Variants in MAPK10 observed in about 807,000 individuals in gnomAD.
The protein encoded by MAPK10 is mitogen-activated protein kinase 10.
Under a neutral mutation model 59.3 loss-of-function variants are expected in MAPK10, and 25 were observed. That is an observed-to-expected ratio of 0.42 (90% CI 0.31 to 0.59). MAPK10 has a LOEUF of 0.59. MAPK10 is among the 20% of genes least tolerant of loss of function. The probability of loss-of-function intolerance (pLI) is 0.15; values close to 1 mark genes in which losing one functional copy is unlikely to be tolerated. For missense variants in MAPK10, 351 were observed against 568.9 expected, an observed-to-expected ratio of 0.62 and a Z score of 3.90; for synonymous variants, 190 against 200.5, an observed-to-expected ratio of 0.95 and a Z score of 0.44.
chr4:86,531,363 G>T (rs1757839979), intron 1 of MAPK10, among the ~76,000 whole-genome samples: 1 of 152,216 alleles, frequency 6.6e-6, no homozygotes, highest in Non-Finnish European at 1.5e-5. Flanking sequence ...AGATGAATTA[G>T]TAAGGAAAAA....
At chr4:86,199,093 T>C (rs891689629) in intron 2 of MAPK10, among the ~76,000 whole-genome samples, 16 of 152,032 alleles carry the variant, frequency 1.1e-4, no homozygotes, top group Admixed American at 9.2e-4. Context: ...GGTGTGGCAA[T>C]TGGAACAACT....
chr4:86,350,218 AT>A (rs879348322), intron 2 of MAPK10, among the ~76,000 whole-genome samples: 2,660 of 133,892 alleles, frequency 0.02, 60 homozygotes, highest in African/African-American at 0.065. Context: ...TGTCCAGATA[AT>A]TTTTTTTTTT....
intron 2 of MAPK10, among the ~76,000 whole-genome samples, chr4:86,345,193 C>G (rs1013326665): frequency 6.6e-6 from 1 of 152,176 alleles, no homozygotes; most frequent in Non-Finnish European, 1.5e-5. Flanking sequence ...CCCTCTTCCC[C>G]TCGTAGCTGC....
chr4:86,363,577 T>A (rs1458545655), upstream of MAPK10, among the ~76,000 whole-genome samples: 1 of 152,216 alleles, frequency 6.6e-6, no homozygotes, highest in African/African-American at 2.4e-5. Flanking sequence ...TTTTGATATA[T>A]GTATACAATG....
chr4:86,207,145 G>A (rs2084286767), intron 2 of MAPK10, among the ~76,000 whole-genome samples: 2 of 151,108 alleles, frequency 1.3e-5, no homozygotes, highest in Admixed American at 6.6e-5. Context: ...GAATGGTAAT[G>A]CCTAGGTTTT....
intron 3 of MAPK10, among the ~76,000 whole-genome samples, chr4:86,180,774 C>T (rs894168680): frequency 5.9e-5 from 9 of 151,904 alleles, no homozygotes; most frequent in Admixed American, 2.6e-4. Flanking sequence ...CACATGTTCT[C>T]ATTCATATAT....
intron 4 of MAPK10, among the ~76,000 whole-genome samples, chr4:86,134,923 C>T (rs986249635): frequency 4.6e-5 from 7 of 152,132 alleles, no homozygotes; most frequent in Non-Finnish European, 8.8e-5. Context: ...AAAGGGGTGA[C>T]GGATGGCACC....
Position 86,324,184 on chromosome 4 carries a change from A to C in MAPK10, c.-7+30346T>G, listed in dbSNP as rs547212757. Among the ~76,000 whole-genome samples, 14 of 152,284 alleles carry C rather than the reference A, an allele frequency of 9.2e-5. 1 individual carries two copies. Among genetic ancestry groups the C allele is most frequent in the Admixed American group, 6.5e-4 (10 of 15,276 alleles). ...CATTTTGGGAGGCAATGGCAGGCAG[A>C]TCACCTGCAGTCAGGAGTTCGAGAC... is the stretch of plus-strand genomic sequence containing the variant. On this transcript the variant is annotated intron_variant, in intron 2 of 13. Coordinates refer to ENST00000641462, the MANE Select transcript of MAPK10 (RefSeq NM_138982.4).
intron 1 of MAPK10, among the ~76,000 whole-genome samples, chr4:86,590,609 C>T (rs1053102449): frequency 2.0e-5 from 3 of 151,946 alleles, no homozygotes; most frequent in African/African-American, 7.3e-5. Context: ...CATAGCAAGA[C>T]CCCTCTCTAC....
chr4:86,235,197 A>T (rs1317975515), intron 2 of MAPK10, among the ~76,000 whole-genome samples: 1 of 152,222 alleles, frequency 6.6e-6, no homozygotes, highest in Non-Finnish European at 1.5e-5. Context: ...AAATGAAGGA[A>T]TGGAGGCCCC....
intron 2 of MAPK10, among the ~76,000 whole-genome samples, chr4:86,198,441 T>C (rs777537891): frequency 6.6e-6 from 1 of 152,102 alleles, no homozygotes; most frequent in Non-Finnish European, 1.5e-5. Flanking sequence ...CTCTGAGTAA[T>C]AAAGACCCTC....
At chr4:86,058,852 C>G (rs1359864159) in intron 11 of MAPK10, among the ~76,000 whole-genome samples, 1 of 152,108 alleles carries the variant, frequency 6.6e-6, no homozygotes, top group Non-Finnish European at 1.5e-5. Context: ...GCTCTGGAAC[C>G]TGTTCTACTT....
At chr4:86,581,879 A>G (rs1335007019) in intron 1 of MAPK10, among the ~76,000 whole-genome samples, 2 of 137,858 alleles carry the variant, frequency 1.5e-5, no homozygotes, top group Non-Finnish European at 3.1e-5. Flanking sequence ...AAATTAGTAA[A>G]ACACTTTAAG....
chr4:86,091,670 G>C (rs947168640), intron 9 of MAPK10, among the ~76,000 whole-genome samples: 2 of 146,566 alleles, frequency 1.4e-5, no homozygotes, highest in Non-Finnish European at 3.0e-5. Flanking sequence ...GTTCTATACA[G>C]TTGTTAATTT....
chr4:86,210,319 C>T (rs13126094), intron 2 of MAPK10, among the ~76,000 whole-genome samples: 6,631 of 150,440 alleles, frequency 0.044, 192 homozygotes, highest in East Asian at 0.13. Context: ...GGAAACAGTC[C>T]ATGAAGTGAA....
chr4:86,194,881 A>T (rs1365783221), intron 2 of MAPK10, among the ~76,000 whole-genome samples: 2 of 152,022 alleles, frequency 1.3e-5, no homozygotes, highest in Admixed American at 6.6e-5. Context: ...AAATTTTTCA[A>T]ACATGATATT....
chr4:86,168,304 T>G (rs1011989377), intron 3 of MAPK10, among the ~76,000 whole-genome samples: 1 of 152,162 alleles, frequency 6.6e-6, no homozygotes, highest in African/African-American at 2.4e-5. Flanking sequence ...TTCCCTTTCC[T>G]AGTCAAAGAA....
intron 1 of MAPK10, chr4:86,358,463 T>C: frequency 1.4e-6 from 1 of 740,710 alleles, no homozygotes; most frequent in Non-Finnish European, 1.6e-6. Context: ...ATCATCAACA[T>C]GGCCAGAAGC....
At chr4:86,103,554 G>A (rs922617116) in intron 5 of MAPK10, among the ~76,000 whole-genome samples, 1 of 151,922 alleles carries the variant, frequency 6.6e-6, no homozygotes, top group African/African-American at 2.4e-5. Flanking sequence ...GGCCTTCGGG[G>A]GATTAAACAA....
Sources: allele counts gnomAD v4.1 joint callset (sites outside exome capture counted in the v4.1 genomes callset), GRCh38; gene constraint gnomAD v4.1.1; transcripts MANE v1.5; gene names NCBI Gene and HGNC (gene_info 2026-07-23, HGNC 2026-07-21).